The following CCDC194 variants were observed in gnomAD, a reference collection of about 807,000 sequenced individuals.
CCDC194 encodes coiled-coil domain-containing protein 194.
Under a neutral mutation model 4.9 loss-of-function variants are expected in CCDC194, and 8 were observed. The observed-to-expected ratio is 1.65, with a 90% CI of 0.97 to 2.97. The LOEUF is 2.97. Among genes scored for constraint, CCDC194 ranks in the 30% most tolerant of loss-of-function variants. CCDC194 has a pLI of 0.00. For missense variants in CCDC194, 52 were observed against 43.1 expected (o/e 1.21, Z -0.58); for synonymous variants, 13 against 17.0 (o/e 0.76, Z 0.58).
intron 2 of CCDC194, 62 bp downstream of exon 2, chr19:17,391,688 C>A: frequency 6.5e-7 from 1 of 1,535,478 alleles, no homozygotes; most frequent in South Asian, 1.2e-5. Context: ...GTTTGGATAA[C>A]TAGGATTCAC....
At chr19:17,388,476 T>C (rs893251745), downstream of CCDC194, among the ~76,000 whole-genome samples, 1 of 152,060 alleles carries the variant, frequency 6.6e-6, no homozygotes, top group African/African-American at 2.4e-5. Context: ...CTTGGCTCAC[T>C]GCAGCCTCTG....
chr19:17,387,972 C>T (rs932154192), downstream of CCDC194, among the ~76,000 whole-genome samples: 25 of 151,650 alleles, frequency 1.6e-4, no homozygotes, highest in African/African-American at 4.8e-4. Flanking sequence ...CTGCAAGCTC[C>T]GCCTCCCAGG....
At chr19:17,390,454 C>T (rs1186577135), downstream of CCDC194, 1 of 6,178 alleles carries the variant, frequency 1.6e-4, no homozygotes, top group East Asian at 6.0e-4. The surrounding 1 kb of genome is among the most constrained non-coding windows in gnomAD (Gnocchi z 5.5). Context: ...TCCCCGCAGA[C>T]CCCCCCCCCA....
chr19:17,389,731 C>G (rs565824023), downstream of CCDC194, among the ~76,000 whole-genome samples: 1 of 152,082 alleles, frequency 6.6e-6, no homozygotes, highest in Non-Finnish European at 1.5e-5. Context: ...TTTGGGAGGC[C>G]GGGTGGGCGG....
chr19:17,387,835 C>A (rs927742355), downstream of CCDC194, among the ~76,000 whole-genome samples: 1 of 152,108 alleles, frequency 6.6e-6, no homozygotes, highest in Non-Finnish European at 1.5e-5. Flanking sequence ...GGTTGCATAG[C>A]GTTCCACTGT....
Position 17,390,831 on chromosome 19 carries a change from C to G in CCDC194, c.555-172G>C, listed in dbSNP as rs916833941. Among the ~76,000 whole-genome samples the G allele has an allele frequency of 6.6e-6, 1 of 152,036 alleles. No individual in the cohort carries two copies. The highest frequency in any genetic ancestry group is 2.4e-5 in the African/African-American group (1 of 41,392). On this transcript the variant is annotated intron_variant, in intron 3 of 3. Transcript: ENST00000636079. The surrounding 1 kb of genome is among the most constrained non-coding windows in gnomAD (Gnocchi z 5.5). The stretch of plus-strand genomic sequence containing the variant: ...CATCCGTTCTCGACCCCCAGCCATT[C>G]CCGGGACGCCTCCCTAGAGACTCCC...
At chr19:17,393,534 G>A (rs1404825983) in intron 1 of CCDC194, among the ~76,000 whole-genome samples, 1 of 151,864 alleles carries the variant, frequency 6.6e-6, no homozygotes, top group Non-Finnish European at 1.5e-5. Context: ...GATTACAGGC[G>A]TTCACCATCA....
At chr19:17,387,795 G>C (rs1941062559), downstream of CCDC194, among the ~76,000 whole-genome samples, 1 of 152,264 alleles carries the variant, frequency 6.6e-6, no homozygotes, top group East Asian at 1.9e-4. Context: ...ACATATCTTA[G>C]AGAAGATCTG....
downstream of CCDC194, among the ~76,000 whole-genome samples, chr19:17,388,750 G>A (rs912844340): frequency 6.6e-5 from 10 of 152,050 alleles, no homozygotes; most frequent in Non-Finnish European, 1.0e-4. Context: ...AGATCCTCCC[G>A]CCTTAGCCTC....
At chr19:17,391,114 A>C in intron 3 of CCDC194, 97 bp downstream of exon 3, 3 of 327,698 alleles carry the variant, frequency 9.2e-6, no homozygotes, top group East Asian at 1.1e-4. Flanking sequence ...TTCCACGCCC[A>C]AAGTAATGAT....
At chr19:17,388,519 T>C (rs2074643667), downstream of CCDC194, among the ~76,000 whole-genome samples, 1 of 148,174 alleles carries the variant, frequency 6.7e-6, no homozygotes, top group African/African-American at 2.5e-5. Flanking sequence ...CCCACCTCAG[T>C]CTCCGAAGTA....
chr19:17,387,765 A>G (rs1216141037), downstream of CCDC194, among the ~76,000 whole-genome samples: 2 of 152,192 alleles, frequency 1.3e-5, no homozygotes, highest in African/African-American at 4.8e-5. Context: ...CAACTTATCA[A>G]TCTCCTGCTT....
At chr19:17,391,942 A>T in intron 1 of CCDC194, 96 bp from the exon 2 acceptor site, 1 of 1,151,920 alleles carries the variant, frequency 8.7e-7, no homozygotes, top group Non-Finnish European at 1.2e-6. Context: ...GCCACCTGCG[A>T]CCCTGTGTCC....
At position 17,390,793 on chromosome 19, in the gene CCDC194, C is replaced by T. The variant is rs923074074; in HGVS notation, c.555-134G>A. ...TCCCCATCTCCCAGGGTTTCCCGCT[C>T]CCCAGGATCCGGCATCCGTTCTCGA... On this transcript the variant is annotated intron_variant, in intron 3 of 3. Coordinates refer to ENST00000636079, the Ensembl canonical transcript of CCDC194. The surrounding 1 kb of genome is among the most constrained non-coding windows in gnomAD (Gnocchi z 5.5). 5.1e-6 allele frequency: 2 copies of T among 393,616 alleles called. No homozygotes were observed. Among genetic ancestry groups the T allele is most frequent in the Non-Finnish European group, 9.0e-6 (2 of 223,136 alleles). The allele number at this position is 393,616 out of a possible 1,614,324, so 24.4% of individuals were successfully genotyped here. A position where few individuals can be genotyped will look rare whatever the true frequency, so the allele number is the denominator to read the frequency against.
intron 2 of CCDC194, 162 bp downstream of exon 2, chr19:17,391,587 AT>A: frequency 6.8e-7 from 1 of 1,481,030 alleles, no homozygotes; most frequent in Non-Finnish European, 9.0e-7. Context: ...TTTTTGTGAC[AT>A]TTGCATGGCC....
chr19:17,391,370 C>T (rs553966731), intron 2 of CCDC194, 27 bp from the exon 3 acceptor site: 1 of 492,668 alleles, frequency 2.0e-6, no homozygotes, highest in South Asian at 3.2e-5. Context: ...CCGGGTCAGG[C>T]TGGAGACTCC....
chr19:17,393,613 T>A (rs953866199), intron 1 of CCDC194, among the ~76,000 whole-genome samples: 8 of 152,204 alleles, frequency 5.3e-5, no homozygotes, highest in Non-Finnish European at 7.4e-5. Context: ...GGTCTCGAAC[T>A]CCTGACCTCA....
chr19:17,392,357 T>C (rs2074658041), intron 1 of CCDC194: 1 of 150,150 alleles, frequency 6.7e-6, no homozygotes, highest in Non-Finnish European at 1.5e-5. Context: ...GCGCCTGTAA[T>C]CCCAGCTCCT....
intron 2 of CCDC194, 67 bp downstream of exon 2, chr19:17,391,683 G>A (rs2074655224): frequency 6.5e-7 from 1 of 1,535,238 alleles, no homozygotes; most frequent in African/African-American, 1.4e-5. Context: ...TGCTTGTTTG[G>A]ATAACTAGGA....
Sources: allele counts gnomAD v4.1 joint callset (sites outside exome capture counted in the v4.1 genomes callset), GRCh38; gene constraint gnomAD v4.1.1; non-coding constraint Gnocchi (gnomAD v3.1); transcripts MANE v1.5; gene names NCBI Gene and HGNC (gene_info 2026-07-23, HGNC 2026-07-21).